IQCB1: variants seen among roughly 807,000 people sequenced by gnomAD.
IQCB1 encodes IQ calmodulin-binding motif-containing protein 1.
In IQCB1, 56 loss-of-function variants were observed where a neutral mutation model predicts 84.4. The observed-to-expected ratio is 0.66, with a 90% confidence interval of 0.54 to 0.83. The LOEUF (loss-of-function observed/expected upper bound fraction) is 0.83. Ranked by LOEUF, IQCB1 falls within the 40% of genes least tolerant of loss-of-function variation. The pLI, the probability that IQCB1 is intolerant of heterozygous loss-of-function variation, is 0.00. For missense variants in IQCB1, 629 were observed against 682.1 expected (o/e 0.92, Z 0.87); for synonymous variants, 210 against 234.8 (o/e 0.89, Z 0.96).
chr3:121,811,223 T>C (rs1469379434), intron 5 of IQCB1, among the ~76,000 whole-genome samples: 1 of 152,108 alleles, frequency 6.6e-6, no homozygotes, highest in Non-Finnish European at 1.5e-5. Context: ...AGGGAGGGAC[T>C]GTGCTATCTG....
chr3:121,806,694 A>G (rs1192814859), intron 7 of IQCB1, among the ~76,000 whole-genome samples: 1 of 151,986 alleles, frequency 6.6e-6, no homozygotes, highest in Non-Finnish European at 1.5e-5. Flanking sequence ...TTTAACATTT[A>G]TGGTCACTTT....
intron 12 of IQCB1, among the ~76,000 whole-genome samples, chr3:121,786,401 G>A (rs1488329603): frequency 6.6e-6 from 1 of 151,186 alleles, no homozygotes; most frequent in African/African-American, 2.4e-5. Context: ...GGAGGCTGAG[G>A]CAGGAGGATC....
At chr3:121,806,064 C>A (rs1470138025) in intron 7 of IQCB1, among the ~76,000 whole-genome samples, 5 of 152,054 alleles carry the variant, frequency 3.3e-5, no homozygotes, top group Non-Finnish European at 7.4e-5. Flanking sequence ...CTGACTGATA[C>A]CCAGTTTCTC....
intron 13 of IQCB1, among the ~76,000 whole-genome samples, chr3:121,774,146 A>G (rs575914883): frequency 6.6e-6 from 1 of 152,338 alleles, no homozygotes; most frequent in East Asian, 1.9e-4. Flanking sequence ...TTTCTGCAAA[A>G]AAGATAAAGA....
chr3:121,831,934 CCTTTTAAGAAT>C (rs1335181701), intron 2 of IQCB1, among the ~76,000 whole-genome samples: 9 of 152,160 alleles, frequency 5.9e-5, no homozygotes, highest in Non-Finnish European at 1.3e-4. Context: ...TGCTACATTT[CCTTTTAAGAAT>C]GCAGCAAAAT....
In IQCB1 at chr3:121,797,174, G is replaced by T; in HGVS notation, c.820C>A (p.Leu274Ile). Residue 274 changes from leucine (L) to isoleucine (I), a missense_variant, in exon 9 of 15, where the codon CTT (leucine) becomes ATT (isoleucine). Transcript: ENST00000310864. ...QETGTEFSQE[L>I]RQLVGLLSPM... ...CTTAAAAGGCCAACAAGCTGTCTAA[G>T]TTCTTGACTGAATTCAGTCCCAGTT... The T allele has an allele frequency of 6.2e-7, 1 of 1,610,980 alleles. No homozygotes were observed. The highest frequency in any genetic ancestry group is 8.5e-7 in the Non-Finnish European group (1 of 1,178,188).
Position 121,819,486 on chromosome 3 carries a change from G to A in IQCB1, c.393+6565C>T, listed in dbSNP as rs1950198021. On this transcript the variant is annotated intron_variant, in intron 5 of 14. Transcript: ENST00000310864. ...TCCTGTGTGGCTGGGTTTCTGACAG[G>A]CCATGGATGAGTACTAGTCTGTGGC... Among the ~76,000 whole-genome samples, 3 of 152,146 alleles carry A rather than the reference G, an allele frequency of 2.0e-5. No individual in the cohort carries two copies. The South Asian group carries it at 6.2e-4, about 32-fold the overall frequency.
At chr3:121,825,849 CA>C (rs900400403) in intron 5 of IQCB1, among the ~76,000 whole-genome samples, 1 of 152,220 alleles carries the variant, frequency 6.6e-6, no homozygotes, top group African/African-American at 2.4e-5. Flanking sequence ...GCAGATCCTT[CA>C]AAAAATCAAA....
At chr3:121,810,692 G>C (rs1949792768) in intron 5 of IQCB1, among the ~76,000 whole-genome samples, 1 of 152,036 alleles carries the variant, frequency 6.6e-6, no homozygotes, top group Non-Finnish European at 1.5e-5. Flanking sequence ...ATAATGGTCT[G>C]AGCTATTAAT....
chr3:121,801,707 A>T (rs1949413574), intron 7 of IQCB1, among the ~76,000 whole-genome samples: 1 of 151,436 alleles, frequency 6.6e-6, no homozygotes, highest in East Asian at 1.9e-4. Context: ...CTTGTATTTC[A>T]TTGTAGTTCC....
rs1438037455 is a variant in IQCB1, at chr3:121,800,780, AC to A, written c.588-1407del. 3.4e-5 allele frequency among the ~76,000 whole-genome samples: 5 copies of A among 147,924 alleles called. No individual in the cohort carries two copies. The Admixed American group carries it at 3.4e-4, about 10-fold the overall frequency. ...ATCTTAAAGACATCCTCTCTATACCACTACCATCTTATCTCTCTGCTTCTCT... is the reference window on the plus strand; with the variant it reads ...ATCTTAAAGACATCCTCTCTATACCATACCATCTTATCTCTCTGCTTCTCT... On this transcript the variant is annotated intron_variant, in intron 7 of 14. Coordinates refer to ENST00000310864, the MANE Select transcript of IQCB1 (RefSeq NM_001023570.4).
intron 11 of IQCB1, among the ~76,000 whole-genome samples, chr3:121,789,687 A>G (rs1948879921): frequency 6.6e-6 from 1 of 152,244 alleles, no homozygotes; most frequent in African/African-American, 2.4e-5. Flanking sequence ...AAAGGCGGCA[A>G]GAAGATGTCA....
intron 13 of IQCB1, among the ~76,000 whole-genome samples, chr3:121,779,961 T>C (rs1269631504): frequency 6.6e-6 from 1 of 152,200 alleles, no homozygotes; most frequent in African/African-American, 2.4e-5. Context: ...CTATGTGAGT[T>C]CCAGACACAC....
At chr3:121,822,921 G>A (rs1490762061) in intron 5 of IQCB1, among the ~76,000 whole-genome samples, 1 of 152,114 alleles carries the variant, frequency 6.6e-6, no homozygotes, top group Non-Finnish European at 1.5e-5. Context: ...ATGTGAAGAA[G>A]CAGAAAAATT....
At chr3:121,821,115 T>G (rs571335513) in intron 5 of IQCB1, among the ~76,000 whole-genome samples, 1 of 152,240 alleles carries the variant, frequency 6.6e-6, no homozygotes, top group African/African-American at 2.4e-5. Context: ...CTTAGCCTCC[T>G]GAGTAGCTAG....
intron 5 of IQCB1, 149 bp downstream of exon 5, chr3:121,825,902 G>T: frequency 1.3e-6 from 1 of 776,612 alleles, no homozygotes; most frequent in Non-Finnish European, 2.0e-6. Context: ...CAAACATAGA[G>T]ATGATTTTTG....
intron 5 of IQCB1, among the ~76,000 whole-genome samples, chr3:121,810,374 CCT>C (rs757820866): frequency 3.9e-5 from 6 of 151,946 alleles, no homozygotes; most frequent in South Asian, 2.1e-4. Context: ...TTTTTATGCC[CCT>C]GTTTTAATTT....
At chr3:121,831,670 A>C (rs1004427420) in intron 2 of IQCB1, among the ~76,000 whole-genome samples, 5 of 152,208 alleles carry the variant, frequency 3.3e-5, no homozygotes, top group Admixed American at 6.5e-5. Context: ...TGCAGAATTG[A>C]TTGCTTGCTT....
chr3:121,808,864 T>G, intron 6 of IQCB1, 52 bp downstream of exon 6: 1 of 1,067,076 alleles, frequency 9.4e-7, no homozygotes, highest in Admixed American at 1.7e-5. Context: ...ATCAAACTGT[T>G]AGCAGTTGAC....
Sources: allele counts gnomAD v4.1 joint callset (sites outside exome capture counted in the v4.1 genomes callset), GRCh38; gene constraint gnomAD v4.1.1; transcripts MANE v1.5; gene names NCBI Gene and HGNC (gene_info 2026-07-23, HGNC 2026-07-21).